The following ERBB4 variants were observed in gnomAD, a reference collection of about 807,000 sequenced individuals.
The protein encoded by ERBB4 is erb-b2 receptor tyrosine kinase 4, also known as receptor tyrosine-protein kinase erbB-4.
In ERBB4, 42 loss-of-function variants were observed where a neutral mutation model predicts 158.0. The observed-to-expected ratio is 0.27, with a 90% CI of 0.21 to 0.34. The LOEUF is 0.34. ERBB4 is among the 10% of genes least tolerant of loss of function. The probability of loss-of-function intolerance (pLI) is 1.00; values close to 1 mark genes in which losing one functional copy is unlikely to be tolerated. For synonymous variants in ERBB4, 583 were observed against 558.7 expected, an observed-to-expected ratio of 1.04 and a Z score of -0.61; for missense variants, 1,333 against 1,624.1, an observed-to-expected ratio of 0.82 and a Z score of 3.08.
rs543683582 is a variant in ERBB4 at position 212,086,521 on chromosome 2, T to G, written c.234+38231A>C. 3.4e-3 allele frequency among the ~76,000 whole-genome samples: 514 copies of G among 152,168 alleles called. 4 individuals are homozygous for G. Among genetic ancestry groups the G allele is most frequent in the African/African-American group, 0.012 (481 of 41,538 alleles). On this transcript the variant is annotated intron_variant, in intron 2 of 27. Coordinates refer to ENST00000342788, the MANE Select transcript of ERBB4 (RefSeq NM_005235.3). The stretch of plus-strand genomic sequence containing the variant: ...CAATATCATGAATTTTCTTTTTGCC[T>G]TAGCTTCTTTATGTCTAACTATTTA...
rs549639692 is a variant in ERBB4, at chr2:212,494,579, G to T, written c.82+43870C>A. Among the ~76,000 whole-genome samples the T allele has an allele frequency of 2.5e-4, 38 of 151,986 alleles. 1 individual carries two copies. The South Asian group carries it at 7.7e-3, about 31-fold the overall frequency. Reference sequence around the variant, plus strand: ...TCATTAATCCCCAGGAAATGCCCAGGTCTACAACTGTTACTGCTTAATTAT... The same window carrying T: ...TCATTAATCCCCAGGAAATGCCCAGTTCTACAACTGTTACTGCTTAATTAT... On this transcript the variant is annotated intron_variant, in intron 1 of 27. Transcript: ENST00000342788.
At chr2:211,503,304 G>C (rs2065662604) in intron 20 of ERBB4, among the ~76,000 whole-genome samples, 1 of 152,108 alleles carries the variant, frequency 6.6e-6, no homozygotes, top group Non-Finnish European at 1.5e-5. Flanking sequence ...TGCAGCTCCT[G>C]CTGTCTGCCG....
At chr2:212,145,607 T>G (rs7573642) in intron 1 of ERBB4, among the ~76,000 whole-genome samples, 12,967 of 151,734 alleles carry the variant, frequency 0.085, 1,164 homozygotes, top group African/African-American at 0.23. Flanking sequence ...GACTTAAGAG[T>G]CACCCAGTCC....
At chr2:211,419,838 T>TAG (rs1354794862) in intron 25 of ERBB4, among the ~76,000 whole-genome samples, 7 of 152,084 alleles carry the variant, frequency 4.6e-5, no homozygotes, top group African/African-American at 1.7e-4. Context: ...TCATATAGAG[T>TAG]AGGTTTAACA....
At chr2:212,100,108 T>C (rs905952111) in intron 2 of ERBB4, among the ~76,000 whole-genome samples, 1 of 151,920 alleles carries the variant, frequency 6.6e-6, no homozygotes, top group Non-Finnish European at 1.5e-5. Flanking sequence ...TATTAAAACT[T>C]TTTTTTGTTG....
At chr2:211,713,291 A>T (rs1348425366) in intron 8 of ERBB4, among the ~76,000 whole-genome samples, 1 of 152,122 alleles carries the variant, frequency 6.6e-6, no homozygotes, top group Admixed American at 6.5e-5. Flanking sequence ...TTTATTTCTG[A>T]GTTCCTATCA....
At chr2:212,164,465 G>A (rs1211108915) in intron 1 of ERBB4, among the ~76,000 whole-genome samples, 3 of 151,922 alleles carry the variant, frequency 2.0e-5, no homozygotes, top group African/African-American at 7.3e-5. Context: ...AAGTGCTAAT[G>A]TAGAGGTTTC....
At chr2:211,970,342 GAGA>G (rs1202437770) in intron 2 of ERBB4, among the ~76,000 whole-genome samples, 3 of 152,190 alleles carry the variant, frequency 2.0e-5, no homozygotes, top group South Asian at 4.1e-4. Context: ...ATGTGGCAAT[GAGA>G]AGAATGTATA....
At chr2:212,064,312 A>G (rs1331903241) in intron 2 of ERBB4, among the ~76,000 whole-genome samples, 2 of 152,130 alleles carry the variant, frequency 1.3e-5, no homozygotes, top group African/African-American at 2.4e-5. Context: ...TGGGCAGTGT[A>G]CTAAATACAT....
At chr2:212,084,742 T>C (rs1451321461) in intron 2 of ERBB4, among the ~76,000 whole-genome samples, 1 of 151,982 alleles carries the variant, frequency 6.6e-6, no homozygotes, top group Non-Finnish European at 1.5e-5. Flanking sequence ...AGTTCACATA[T>C]GTGTTAAAAT....
At chr2:211,591,082 CTG>C (rs1168582975) in intron 19 of ERBB4, among the ~76,000 whole-genome samples, 1 of 152,176 alleles carries the variant, frequency 6.6e-6, no homozygotes, top group East Asian at 1.9e-4. Flanking sequence ...AATGCTAAAA[CTG>C]TGAAATATTC....
intron 3 of ERBB4, among the ~76,000 whole-genome samples, chr2:211,915,531 A>T (rs1338645769): frequency 6.6e-6 from 1 of 151,674 alleles, no homozygotes; most frequent in African/African-American, 2.4e-5. Flanking sequence ...TTTACTATTT[A>T]TTTTAGTTAC....
At position 211,750,656 on chromosome 2, in the gene ERBB4, T is replaced by G; in HGVS notation, c.605A>C (p.Glu202Ala). The G allele has an allele frequency of 6.2e-7, 1 of 1,614,044 alleles. No homozygotes were observed. Among genetic ancestry groups the G allele is most frequent in the Non-Finnish European group, 8.5e-7 (1 of 1,179,912 alleles). The change falls in exon 5 of 28, where the codon GAA becomes GCA. Residue 202 changes from glutamate (E) to alanine (A), a missense_variant. Transcript: ENST00000342788. ...ACACTTACAAGTCTGGCAATGATTT[T>G]CTGTGGGTCCCCAGCAACGGCCAGT... ...SCTGRCWGPTENHCQTLTRTV... is the reference protein window; with the variant it reads ...SCTGRCWGPTANHCQTLTRTV...
chr2:211,396,745 C>A (rs1490533316), intron 25 of ERBB4, among the ~76,000 whole-genome samples: 1 of 152,054 alleles, frequency 6.6e-6, no homozygotes, highest in African/African-American at 2.4e-5. Context: ...CAGATAAAGC[C>A]CTTCAGTGTT....
chr2:211,426,952 A>ACACTT (rs1252976641), intron 22 of ERBB4, among the ~76,000 whole-genome samples: 3 of 152,164 alleles, frequency 2.0e-5, no homozygotes, highest in African/African-American at 7.2e-5. Flanking sequence ...GTTTTTCTAT[A>ACACTT]CACTTCTTAC....
chr2:212,215,048 T>C (rs1033261097), intron 1 of ERBB4, among the ~76,000 whole-genome samples: 23 of 151,690 alleles, frequency 1.5e-4, no homozygotes, highest in Admixed American at 2.6e-4. Context: ...AGTTAACCTA[T>C]AATGTTAAGG....
chr2:212,300,217 T>G, intron 1 of ERBB4, among the ~76,000 whole-genome samples: 1 of 151,598 alleles, frequency 6.6e-6, no homozygotes. Flanking sequence ...ACAAATTACA[T>G]CTAACACTGT....
chr2:211,703,966 C>A, intron 11 of ERBB4, 138 bp downstream of exon 11: 1 of 715,002 alleles, frequency 1.4e-6, no homozygotes, highest in Non-Finnish European at 2.6e-6. Flanking sequence ...TTTTATTGAG[C>A]TTATCTTTGG....
chr2:212,472,379 G>T (rs1050850428), intron 1 of ERBB4, among the ~76,000 whole-genome samples: 4 of 151,784 alleles, frequency 2.6e-5, no homozygotes, highest in African/African-American at 7.2e-5. Flanking sequence ...CAATTGCACA[G>T]CTAGAAAGTA....
Sources: allele counts gnomAD v4.1 joint callset (sites outside exome capture counted in the v4.1 genomes callset), GRCh38; gene constraint gnomAD v4.1.1; transcripts MANE v1.5; gene names NCBI Gene and HGNC (gene_info 2026-07-23, HGNC 2026-07-21).